The following SPECC1L variants were observed in gnomAD, a reference collection of about 807,000 sequenced individuals.
SPECC1L encodes the protein cytospin-A.
Under a neutral mutation model 116.8 loss-of-function variants are expected in SPECC1L, and 40 were observed. That is an observed-to-expected ratio of 0.34 (90% CI 0.27 to 0.45). The LOEUF is 0.45. SPECC1L is among the 20% of genes least tolerant of loss of function. SPECC1L has a pLI of 1.00. For synonymous variants in SPECC1L, 504 were observed against 500.6 expected (o/e 1.01, Z -0.09); for missense variants, 1,110 against 1,373.6 (o/e 0.81, Z 3.03).
At chr22:24,300,217 A>G (rs1375707997) in intron 2 of SPECC1L, among the ~76,000 whole-genome samples, 1 of 152,014 alleles carries the variant, frequency 6.6e-6, no homozygotes, top group African/African-American at 2.4e-5. Flanking sequence ...TCCACTTATG[A>G]GCAAGAACAT....
chr22:24,330,750 T>G (rs2298380), intron 8 of SPECC1L, among the ~76,000 whole-genome samples: 84,369 of 151,940 alleles, frequency 0.56, 23,745 homozygotes, highest in African/African-American at 0.64. Context: ...TCATGATTAA[T>G]GATGTGGACT....
chr22:24,370,984 G>T (rs2041860472), intron 14 of SPECC1L, among the ~76,000 whole-genome samples: 1 of 152,178 alleles, frequency 6.6e-6, no homozygotes, highest in Non-Finnish European at 1.5e-5. Context: ...AAGTACTGGA[G>T]ATGGATGGTG....
rs549729822 is a variant in SPECC1L, at chr22:24,276,482, A to C, written c.-141-218A>C. 2.8e-3 allele frequency among the ~76,000 whole-genome samples: 432 copies of C among 152,320 alleles called. 2 individuals are homozygous for C. Among genetic ancestry groups the C allele is most frequent in the Non-Finnish European group, 3.8e-3 (259 of 68,026 alleles). On this transcript the variant is annotated intron_variant, in intron 1 of 16. Coordinates refer to ENST00000314328, the MANE Select transcript of SPECC1L (RefSeq NM_015330.6). ...TGTCAAGATTTGTCAAGAAATAGCC[A>C]TTATGCTGGACCCAGTGGTGCGCAC...
intron 12 of SPECC1L, among the ~76,000 whole-genome samples, chr22:24,364,424 A>T (rs1162371692): frequency 1.3e-5 from 2 of 151,686 alleles, no homozygotes; most frequent in African/African-American, 4.8e-5. Context: ...GCACTTTGGG[A>T]TGCCTAGGTG....
At chr22:24,323,944 A>C (rs919267899) in intron 5 of SPECC1L, among the ~76,000 whole-genome samples, 1 of 152,268 alleles carries the variant, frequency 6.6e-6, no homozygotes, top group Admixed American at 6.5e-5. Flanking sequence ...AGGAGAAACG[A>C]AAATTTCCAA....
At chr22:24,289,239 T>A (rs1193569951) in intron 2 of SPECC1L, among the ~76,000 whole-genome samples, 3 of 152,234 alleles carry the variant, frequency 2.0e-5, no homozygotes, top group Admixed American at 6.5e-5. Flanking sequence ...ATTTTTTGCA[T>A]TCTGGCAGTT....
At chr22:24,288,720 G>A (rs1190343511) in intron 2 of SPECC1L, among the ~76,000 whole-genome samples, 1 of 140,644 alleles carries the variant, frequency 7.1e-6, no homozygotes, top group African/African-American at 2.7e-5. Context: ...CTGCCTCCTG[G>A]GTTCAAGCGA....
intron 6 of SPECC1L, among the ~76,000 whole-genome samples, chr22:24,324,652 A>G (rs2040783384): frequency 1.3e-5 from 2 of 152,096 alleles, no homozygotes; most frequent in African/African-American, 4.8e-5. Flanking sequence ...GGAGTTTGAG[A>G]CCAGCCTGGC....
intron 3 of SPECC1L, 139 bp downstream of exon 3, chr22:24,302,523 C>T (rs1017859932): frequency 8.2e-6 from 9 of 1,103,258 alleles, no homozygotes; most frequent in African/African-American, 7.9e-5. Context: ...AGAGAGCTTA[C>T]AGTGGGGTGG....
chr22:24,327,178 T>C (rs1279234935), intron 6 of SPECC1L, among the ~76,000 whole-genome samples: 1 of 147,876 alleles, frequency 6.8e-6, no homozygotes, highest in Non-Finnish European at 1.5e-5. Flanking sequence ...CACAGGAGGC[T>C]GAGGCAGGAG....
intron 10 of SPECC1L, among the ~76,000 whole-genome samples, chr22:24,345,641 C>T (rs1311545664): frequency 6.6e-6 from 1 of 151,996 alleles, no homozygotes; most frequent in Non-Finnish European, 1.5e-5. Context: ...TACAAATGGC[C>T]AATGGCACAT....
intron 14 of SPECC1L, among the ~76,000 whole-genome samples, chr22:24,381,709 G>A (rs1192752347): frequency 1.3e-5 from 2 of 151,674 alleles, no homozygotes; most frequent in Non-Finnish European, 2.9e-5. Flanking sequence ...ATGGTGAAAC[G>A]CCAGCTCTAC....
chr22:24,313,419 C>G lies in SPECC1L; in HGVS notation c.260C>G (p.Ser87Cys), dbSNP rs199815517. Residue 87 changes from serine to cysteine, a missense_variant, in exon 4 of 17, where the codon TCT becomes TGT. By Grantham distance (112) the Ser-to-Cys change is moderately radical (BLOSUM62 -1). Transcript: ENST00000314328. ...STCPSAAPSA[S>C]APAMTTVENK... ...TGCCCATCTGCAGCACCTTCAGCAT[C>G]TGCCCCTGCCATGACCACCGTGGAG... is the stretch of plus-strand genomic sequence containing the variant. 31 of 1,614,142 alleles carry G rather than the reference C, an allele frequency of 1.9e-5. No homozygotes were observed. The highest frequency in any genetic ancestry group is 2.5e-5 in the Non-Finnish European group (29 of 1,180,036).
chr22:24,276,952 T>A, intron 2 of SPECC1L, 149 bp downstream of exon 2: 1 of 209,932 alleles, frequency 4.8e-6, no homozygotes, highest in South Asian at 5.0e-5. Context: ...TTCTTCTTGC[T>A]TGCTTTTTAA....
Position 24,294,619 on chromosome 22 carries a change from T to G in SPECC1L, c.-37-7576T>G, listed in dbSNP as rs530925615. ...GCTGGTCTCAAACTTCTGACCTCACTTGATCCACCTGCCTCGGCCTCCCAA... is the reference window on the plus strand; with the variant it reads ...GCTGGTCTCAAACTTCTGACCTCACGTGATCCACCTGCCTCGGCCTCCCAA... On this transcript the variant is annotated intron_variant, in intron 2 of 16. Coordinates refer to ENST00000314328, the MANE Select transcript of SPECC1L (RefSeq NM_015330.6). 9.5e-3 allele frequency among the ~76,000 whole-genome samples: 1,434 copies of G among 150,392 alleles called. 12 individuals carry two copies. The highest frequency in any genetic ancestry group is 0.011 in the Non-Finnish European group (741 of 67,944).
intron 11 of SPECC1L, among the ~76,000 whole-genome samples, chr22:24,358,137 C>A (rs2041568786): frequency 7.4e-6 from 1 of 134,916 alleles, no homozygotes; most frequent in Admixed American, 7.8e-5. Flanking sequence ...TTTTTTGAGG[C>A]AGAGTCTCAC....
In SPECC1L at chr22:24,335,599, A is replaced by G. The variant is rs569010014; in HGVS notation, c.2560+1026A>G. Among the ~76,000 whole-genome samples the G allele has an allele frequency of 8.5e-5, 13 of 152,342 alleles. No individual in the cohort carries two copies. The South Asian group carries it at 2.7e-3, about 32-fold the overall frequency. ...CAGAAGCTCAAATTTTTATCTAGAAATTCTTTAAACTTTATTAACAGGCTA... is the reference window on the plus strand; with the variant it reads ...CAGAAGCTCAAATTTTTATCTAGAAGTTCTTTAAACTTTATTAACAGGCTA... On this transcript the variant is annotated intron_variant, in intron 9 of 16. Transcript: ENST00000314328.
In SPECC1L at chr22:24,313,297, T is replaced by A. The variant is rs2040496699; in HGVS notation, c.154-16T>A. On this transcript the variant is annotated splice_polypyrimidine_tract_variant and intron_variant, in intron 3 of 16. Coordinates refer to ENST00000314328, the MANE Select transcript of SPECC1L (RefSeq NM_015330.6). The stretch of plus-strand genomic sequence containing the variant: ...CTTGATCTAGTAAATTTGTTTTTAT[T>A]TTCTGTTGCTTCTAGACCAAGAGCA... The A allele has an allele frequency of 6.2e-7, 1 of 1,613,936 alleles. No homozygotes were observed. Among genetic ancestry groups the A allele is most frequent in the Admixed American group, 1.7e-5 (1 of 59,996 alleles).
intron 13 of SPECC1L, 40 bp downstream of exon 13, chr22:24,365,672 T>G: frequency 6.2e-7 from 1 of 1,608,366 alleles, no homozygotes. Context: ...GTGTGTACCT[T>G]TCCTGGCCTT....
Sources: allele counts gnomAD v4.1 joint callset (sites outside exome capture counted in the v4.1 genomes callset), GRCh38; gene constraint gnomAD v4.1.1; transcripts MANE v1.5; gene names NCBI Gene and HGNC (gene_info 2026-07-23, HGNC 2026-07-21).